SMCHD1: variants seen among roughly 807,000 people sequenced by gnomAD.
The protein encoded by SMCHD1 is structural maintenance of chromosomes flexible hinge domain-containing protein 1.
A neutral mutation model predicts 254.7 loss-of-function variants in SMCHD1; 78 were observed. The ratio of observed to expected loss-of-function variants is 0.31; its 90% confidence interval spans 0.26 to 0.37. SMCHD1 has a LOEUF of 0.37. Ranked by LOEUF, SMCHD1 falls within the 10% of genes least tolerant of loss-of-function variation. The pLI, the probability that SMCHD1 is intolerant of heterozygous loss-of-function variation, is 1.00. For missense variants in SMCHD1, 1,840 were observed against 2,408.1 expected (o/e 0.76, Z 4.94); for synonymous variants, 766 against 794.9 (o/e 0.96, Z 0.61).
At chr18:2,682,501 T>C (rs2073956142) in intron 5 of SMCHD1, among the ~76,000 whole-genome samples, 1 of 152,104 alleles carries the variant, frequency 6.6e-6, no homozygotes, top group East Asian at 1.9e-4. Context: ...TTTGTACTTT[T>C]AGTAGAGGTG....
Position 2,666,280 on chromosome 18 carries a change from T to C in SMCHD1, c.262+48T>C, listed in dbSNP as rs531379. On this transcript the variant is annotated intron_variant, in intron 2 of 47. Coordinates refer to ENST00000320876, the MANE Select transcript of SMCHD1 (RefSeq NM_015295.3). ...TTGATGCTTTTATATTTAATAAGGT[T>C]TAGTACATATATAGCAATAACTTTT... The C allele has an allele frequency of 0.076, 65,435 of 861,898 alleles. 8,871 individuals carry two copies. Among genetic ancestry groups the C allele is most frequent in the African/African-American group, 0.51 (30,112 of 59,214 alleles). 53.4% of individuals were successfully genotyped at this position (861,898 alleles called of 1,614,324 possible).
intron 5 of SMCHD1, among the ~76,000 whole-genome samples, chr18:2,679,479 C>CAAAAAAAAAAAAAAAAAAAA (rs1350891695): frequency 1.9e-4 from 1 of 5,366 alleles, no homozygotes; most frequent in Non-Finnish European, 1.7e-3. Context: ...GACTCCATCT[C>CAAAAAAAAAAAAAAAAAAAA]CAAAAAAAAA....
chr18:2,677,780 C>A (rs576766815), intron 5 of SMCHD1, among the ~76,000 whole-genome samples: 1 of 152,246 alleles, frequency 6.6e-6, no homozygotes, highest in African/African-American at 2.4e-5. Flanking sequence ...GTGCATGTCA[C>A]CACACCTGGC....
intron 5 of SMCHD1, among the ~76,000 whole-genome samples, chr18:2,674,354 G>A (rs1053011622): frequency 2.6e-5 from 4 of 152,130 alleles, no homozygotes; most frequent in Admixed American, 1.3e-4. Flanking sequence ...AGCTCATTTT[G>A]CATTTCCTGA....
chr18:2,683,763 C>T (rs570399948), intron 5 of SMCHD1, among the ~76,000 whole-genome samples: 1 of 152,226 alleles, frequency 6.6e-6, no homozygotes, highest in South Asian at 2.1e-4. Flanking sequence ...CCCTTTTATT[C>T]ATTATGTAGT....
intron 17 of SMCHD1, among the ~76,000 whole-genome samples, chr18:2,709,232 G>GTGTATATATATATATATA (rs3037640): frequency 1.3e-5 from 1 of 79,652 alleles, no homozygotes; most frequent in Non-Finnish European, 3.1e-5. Flanking sequence ...GTGTATATGT[G>GTGTATATATATATATATA]TATATATATA....
At chr18:2,657,854 TTTCCCAGGCCCAAATA>T (rs2073117529) in intron 1 of SMCHD1, among the ~76,000 whole-genome samples, 1 of 152,176 alleles carries the variant, frequency 6.6e-6, no homozygotes, top group African/African-American at 2.4e-5. Flanking sequence ...TAATAAACAT[TTTCCCAGGCCCAAATA>T]TTCCCGGGCT....
At chr18:2,740,462 G>T (rs2143545379) in intron 27 of SMCHD1, among the ~76,000 whole-genome samples, 1 of 151,632 alleles carries the variant, frequency 6.6e-6, no homozygotes, top group East Asian at 1.9e-4. Context: ...AAATTTTCAT[G>T]GTAAAAAAAT....
At chr18:2,791,903 A>G (rs2076172981) in intron 45 of SMCHD1, among the ~76,000 whole-genome samples, 1 of 152,226 alleles carries the variant, frequency 6.6e-6, no homozygotes. Context: ...TAGTGCATGC[A>G]TGTGAGAAGA....
At chr18:2,795,310 GAA>G (rs67521125) in intron 45 of SMCHD1, among the ~76,000 whole-genome samples, 44,134 of 151,752 alleles carry the variant, frequency 0.29, 6,591 homozygotes, top group East Asian at 0.5. Context: ...ACCCGCCTTG[GAA>G]CCTTGCAACG....
chr18:2,708,060 T>C lies in SMCHD1; in HGVS notation c.2260+140T>C, dbSNP rs76428008. 4.1e-3 allele frequency: 1,975 copies of C among 485,676 alleles called. 35 individuals are homozygous for C. The highest frequency in any genetic ancestry group is 0.037 in the East Asian group (1,100 of 29,930). 30.1% of individuals were successfully genotyped at this position (485,676 alleles called of 1,614,324 possible). On this transcript the variant is annotated intron_variant, in intron 17 of 47. Coordinates refer to ENST00000320876, the MANE Select transcript of SMCHD1 (RefSeq NM_015295.3). ...ATTGAAGTTAGGAATTTCAGGAATG[T>C]TATGAATAGCTCATTTTCTTGGTGG...
At position 2,712,222 on chromosome 18, in the gene SMCHD1, TTC is replaced by T. The variant is rs200129914; in HGVS notation, c.2260+4304_2260+4305del. On this transcript the variant is annotated intron_variant, in intron 17 of 47. Transcript: ENST00000320876. ...TCATAAGGGATTTTGGTCTGTAGTT[TTC>T]TTTTTCCTTTTTTTTTTTTTTGATG... Among the ~76,000 whole-genome samples the T allele has an allele frequency of 6.3e-3, 848 of 134,420 alleles. 12 individuals are homozygous for T. The highest frequency in any genetic ancestry group is 7.8e-3 in the Non-Finnish European group (503 of 64,740). The allele number at this position is 134,420 out of a possible 152,430, so 88.2% of individuals were successfully genotyped here. A position where few individuals can be genotyped will look rare whatever the true frequency, so the allele number is the denominator to read the frequency against.
At position 2,784,635 on chromosome 18, in the gene SMCHD1, G is replaced by C; in HGVS notation, c.5719+14G>C. ...GGGAACAAATAGGTAAGTTGAATAA[G>C]TACTTAAATAGCAATTTCTAATTTA... On this transcript the variant is annotated intron_variant, in intron 45 of 47. Coordinates refer to ENST00000320876, the MANE Select transcript of SMCHD1 (RefSeq NM_015295.3). 6.4e-7 allele frequency: 1 copy of C among 1,551,832 alleles called. No homozygotes were observed. The highest frequency in any genetic ancestry group is 8.7e-7 in the Non-Finnish European group (1 of 1,155,430).
rs538012835 is a variant in SMCHD1, at chr18:2,657,267, C to G, written c.186+1006C>G. 2.6e-5 allele frequency among the ~76,000 whole-genome samples: 4 copies of G among 152,280 alleles called. No individual in the cohort carries two copies. The South Asian group carries it at 8.3e-4, about 32-fold the overall frequency. On this transcript the variant is annotated intron_variant, in intron 1 of 47. Coordinates refer to ENST00000320876, the MANE Select transcript of SMCHD1 (RefSeq NM_015295.3). ...AAACGATTGGAGAAGTAAGGACTTTCTTTTGTTCACAGCTGTAGTCCCAGC... is the reference window on the plus strand; with the variant it reads ...AAACGATTGGAGAAGTAAGGACTTTGTTTTGTTCACAGCTGTAGTCCCAGC...
At chr18:2,745,106 G>T (rs929141245) in intron 29 of SMCHD1, among the ~76,000 whole-genome samples, 20 of 152,314 alleles carry the variant, frequency 1.3e-4, no homozygotes, top group African/African-American at 4.1e-4. Flanking sequence ...GCCTCCCGAA[G>T]TGCTGGGATG....
chr18:2,668,779 C>T (rs1456193324), intron 3 of SMCHD1, among the ~76,000 whole-genome samples: 4 of 152,158 alleles, frequency 2.6e-5, no homozygotes, highest in African/African-American at 9.7e-5. Context: ...CTTATGGTCA[C>T]CAACAGCTAA....
intron 5 of SMCHD1, among the ~76,000 whole-genome samples, chr18:2,685,845 C>T (rs1290566442): frequency 6.6e-5 from 10 of 152,282 alleles, no homozygotes; most frequent in Middle Eastern, 6.8e-3. Context: ...AACCATACTG[C>T]GTTTTGTCTA....
In SMCHD1 at chr18:2,751,411, T is replaced by A; in HGVS notation, c.4281+18T>A. 1 of 1,412,576 alleles carries A rather than the reference T, an allele frequency of 7.1e-7. No homozygotes were observed. Among genetic ancestry groups the A allele is most frequent in the Non-Finnish European group, 9.7e-7 (1 of 1,033,954 alleles). The allele number at this position is 1,412,576 out of a possible 1,614,324, so 87.5% of individuals were successfully genotyped here. On this transcript the variant is annotated intron_variant, in intron 33 of 47. Transcript: ENST00000320876. The stretch of plus-strand genomic sequence containing the variant: ...CAGCAAATGTGAGTCATGGGAAGCA[T>A]TTTTTGAAGTTAAAAATAGTTCTTA...
At chr18:2,721,613 C>CAT (rs2074929676) in intron 19 of SMCHD1, among the ~76,000 whole-genome samples, 1 of 152,086 alleles carries the variant, frequency 6.6e-6, no homozygotes, top group Admixed American at 6.5e-5. Flanking sequence ...TAGGGTGATA[C>CAT]CAAGAAGTGG....
Sources: allele counts gnomAD v4.1 joint callset (sites outside exome capture counted in the v4.1 genomes callset), GRCh38; gene constraint gnomAD v4.1.1; transcripts MANE v1.5; gene names NCBI Gene and HGNC (gene_info 2026-07-23, HGNC 2026-07-21).